Variants in METAP2 observed in about 807,000 individuals in gnomAD.
METAP2 encodes methionine aminopeptidase 2.
A neutral mutation model predicts 59.4 loss-of-function variants in METAP2; 25 were observed. The ratio of observed to expected loss-of-function variants is 0.42; its 90% confidence interval spans 0.31 to 0.59. The LOEUF (loss-of-function observed/expected upper bound fraction) is 0.59. Among genes scored for constraint, METAP2 ranks in the 20% least tolerant of loss-of-function variants. METAP2 has a pLI of 0.16. For synonymous variants in METAP2, 214 were observed against 194.1 expected, an observed-to-expected ratio of 1.10 and a Z score of -0.85; for missense variants, 366 against 581.2, an observed-to-expected ratio of 0.63 and a Z score of 3.81.
At chr12:95,501,476 G>A (rs916136020) in intron 7 of METAP2, among the ~76,000 whole-genome samples, 3 of 152,186 alleles carry the variant, frequency 2.0e-5, no homozygotes, top group African/African-American at 7.2e-5. Context: ...CCAGCACTTG[G>A]GAGGCTGAGG....
At chr12:95,501,856 C>A (rs1456799418) in intron 7 of METAP2, among the ~76,000 whole-genome samples, 1 of 149,904 alleles carries the variant, frequency 6.7e-6, no homozygotes, top group African/African-American at 2.5e-5. Flanking sequence ...TAAAAAAATT[C>A]ATATGGCTTC....
chr12:95,483,352 T>G, intron 3 of METAP2, 72 bp downstream of exon 3: 3 of 1,182,144 alleles, frequency 2.5e-6, no homozygotes, highest in Non-Finnish European at 3.7e-6. Flanking sequence ...GGCTCACACC[T>G]GTGATCCCAG....
intron 2 of METAP2, among the ~76,000 whole-genome samples, chr12:95,482,616 T>TAA (rs55652210): frequency 3.1e-5 from 4 of 130,116 alleles, no homozygotes; most frequent in Admixed American, 1.5e-4. Flanking sequence ...CCATCTCTAC[T>TAA]AAAAAAAAAA....
At chr12:95,482,301 C>T in intron 2 of METAP2, 1 of 356,832 alleles carries the variant, frequency 2.8e-6, no homozygotes, top group Non-Finnish European at 5.6e-6. Flanking sequence ...TTAGTAGAGA[C>T]AGGGTTTCAC....
At chr12:95,480,066 A>G (rs2076147913) in intron 2 of METAP2, among the ~76,000 whole-genome samples, 1 of 152,170 alleles carries the variant, frequency 6.6e-6, no homozygotes, top group African/African-American at 2.4e-5. Context: ...CTTGCACTAT[A>G]CCTAACCCTT....
Position 95,474,299 on chromosome 12 carries a change from AAAG to A in METAP2, c.131_133del (p.Lys44del), listed in dbSNP as rs1249833084. On this transcript the variant is annotated inframe_deletion, in exon 1 of 11. Transcript: ENST00000323666. ...AGGAAGCAGCCAAGAAAAAAAGACG[AAAG>A]AAGAAGAAGAGCAAAGGGCCTTCTG... The A allele has an allele frequency of 1.2e-5, 19 of 1,614,034 alleles. No homozygotes were observed. The highest frequency in any genetic ancestry group is 1.3e-5 in the Non-Finnish European group (15 of 1,180,010).
In METAP2 at chr12:95,474,245, C is replaced by CA; in HGVS notation, c.67dup (p.Arg23LysfsTer10). The CA allele has an allele frequency of 6.2e-7, 1 of 1,614,158 alleles. No individual in the cohort carries two copies. The highest frequency in any genetic ancestry group is 8.5e-7 in the Non-Finnish European group (1 of 1,180,024). On this transcript the variant is annotated frameshift_variant, in exon 1 of 11. Transcript: ENST00000323666. LOFTEE classifies it high-confidence loss of function. ...TGAATGGCGACCTGGATCCAGACGA[C>CA]AGGGAAGAAGGAGCTGCCTCTACGG...
At position 95,494,173 on chromosome 12, in the gene METAP2, C is replaced by T. The variant is rs141578207; in HGVS notation, c.546C>T (p.Tyr182=). The T allele has an allele frequency of 9.9e-5, 160 of 1,613,850 alleles. 2 individuals are homozygous for T. In the Middle Eastern group the frequency reaches 1.5e-3, roughly 15 times the overall value. The change falls in exon 5 of 11, where the codon TAC becomes TAT. Residue 182 remains tyrosine (Y), a synonymous_variant. Transcript: ENST00000323666. The part of the protein sequence containing the change: ...AAEAHRQVRK[Y]VMSWIKPGMT... ...AAGCACATCGACAAGTTAGAAAATA[C>T]GTAATGAGCTGGATCAAGCCTGGGA...
chr12:95,515,209 G>A lies in METAP2; in HGVS notation c.*1305G>A, dbSNP rs1240767656. Reference sequence around the variant, plus strand: ...TCCTAGGAAGAGAAACCTATGACTTGTGTACCTAGATCATCTGTTACATTA... The same window carrying A: ...TCCTAGGAAGAGAAACCTATGACTTATGTACCTAGATCATCTGTTACATTA... On this transcript the variant is annotated 3_prime_UTR_variant, in exon 11 of 11. Coordinates refer to ENST00000323666, the MANE Select transcript of METAP2 (RefSeq NM_006838.4). The A allele has an allele frequency of 6.6e-6, 1 of 152,590 alleles. No homozygotes were observed. Among genetic ancestry groups the A allele is most frequent in the East Asian group, 1.9e-4 (1 of 5,208 alleles). The allele number at this position is 152,590 out of a possible 1,614,324, so 9.5% of individuals were successfully genotyped here.
At chr12:95,479,994 AGACT>A (rs1465493636) in intron 2 of METAP2, among the ~76,000 whole-genome samples, 1 of 152,240 alleles carries the variant, frequency 6.6e-6, no homozygotes, top group African/African-American at 2.4e-5. Context: ...CGGAAGATAC[AGACT>A]ATTTCCATTT....
intron 10 of METAP2, among the ~76,000 whole-genome samples, 157 bp downstream of exon 10, chr12:95,513,073 TTAAC>T (rs2076415254): frequency 6.9e-6 from 1 of 145,502 alleles, no homozygotes; most frequent in Admixed American, 7.5e-5. Context: ...GTTAAACATT[TTAAC>T]TGAGATAAAA....
At chr12:95,502,066 G>A (rs1287756794) in intron 7 of METAP2, among the ~76,000 whole-genome samples, 1 of 149,200 alleles carries the variant, frequency 6.7e-6, no homozygotes, top group Non-Finnish European at 1.5e-5. Context: ...GCAGTGGTAT[G>A]ATCATGGCTC....
At position 95,512,917 on chromosome 12, in the gene METAP2, G is replaced by A. The variant is rs1181493171; in HGVS notation, c.1184+1G>A. The A allele has an allele frequency of 1.3e-6, 2 of 1,548,460 alleles. No individual in the cohort carries two copies. The highest frequency in any genetic ancestry group is 1.1e-5 in the South Asian group (1 of 88,938). ...TTGATGTTGGACATGTGCCAATAAG[G>A]TGAGAGACGAGACGATTGATTTTAT... is the stretch of plus-strand genomic sequence containing the variant. On this transcript the variant is annotated splice_donor_variant, in intron 10 of 10. Coordinates refer to ENST00000323666, the MANE Select transcript of METAP2 (RefSeq NM_006838.4). LOFTEE classifies it high-confidence loss of function.
chr12:95,505,277 A>G (rs555026399), intron 8 of METAP2, among the ~76,000 whole-genome samples: 139 of 152,314 alleles, frequency 9.1e-4, no homozygotes, highest in African/African-American at 3.3e-3. Flanking sequence ...ATAGACAGTT[A>G]CCACCAACGT....
At chr12:95,476,539 A>AGAGAGAG (rs773224806) in intron 2 of METAP2, among the ~76,000 whole-genome samples, 24 of 148,578 alleles carry the variant, frequency 1.6e-4, no homozygotes, top group African/African-American at 3.3e-4. Context: ...AGAAAGAAAG[A>AGAGAGAG]AAAGCTAGAA....
At chr12:95,503,010 G>A (rs1354504385) in intron 7 of METAP2, among the ~76,000 whole-genome samples, 4 of 148,418 alleles carry the variant, frequency 2.7e-5, no homozygotes. Flanking sequence ...CTTTAGAAGA[G>A]TTGTTTTGAA....
chr12:95,492,481 T>G (rs972111003), intron 4 of METAP2, among the ~76,000 whole-genome samples: 2 of 152,140 alleles, frequency 1.3e-5, no homozygotes, highest in Admixed American at 1.3e-4. Context: ...TGTTAATAAC[T>G]TTCTATCTGA....
Position 95,515,042 on chromosome 12 carries a change from T to G in METAP2, c.*1138T>G, listed in dbSNP as rs1398566572. 6 of 152,680 alleles carry G rather than the reference T, an allele frequency of 3.9e-5. No homozygotes were observed. The highest frequency in any genetic ancestry group is 1.4e-4 in the African/African-American group (6 of 41,472). 9.5% of individuals were successfully genotyped at this position (152,680 alleles called of 1,614,324 possible). ...CTTTGACAAATTGAATTCTTATATT[T>G]AAATAATTTTATGGGAATGTTCCAT... is the stretch of plus-strand genomic sequence containing the variant. On this transcript the variant is annotated 3_prime_UTR_variant, in exon 11 of 11. Transcript: ENST00000323666.
chr12:95,488,986 T>C (rs1241147885), intron 4 of METAP2, among the ~76,000 whole-genome samples: 1 of 152,210 alleles, frequency 6.6e-6, no homozygotes, highest in Non-Finnish European at 1.5e-5. Flanking sequence ...CCTTGTCTTA[T>C]CCAATGTCAT....
Sources: gnomAD v4.1 joint callset for allele counts (sites outside exome capture counted in the v4.1 genomes callset) on GRCh38, gnomAD v4.1.1 for gene constraint, MANE v1.5 for transcripts, NCBI Gene and HGNC (gene_info 2026-07-23, HGNC 2026-07-21) for gene names.